The following SLC25A30 variants were observed in gnomAD, a reference collection of about 807,000 sequenced individuals.
The protein encoded by SLC25A30 is kidney mitochondrial carrier protein 1.
A neutral mutation model predicts 42.7 loss-of-function variants in SLC25A30; 29 were observed. The observed-to-expected ratio is 0.68, with a 90% CI of 0.51 to 0.93. The LOEUF (loss-of-function observed/expected upper bound fraction) is 0.93, where lower values mean the gene tolerates loss of function less well. Ranked by LOEUF, SLC25A30 falls within the 40% of genes least tolerant of loss-of-function variation. The pLI, the probability that SLC25A30 is intolerant of heterozygous loss-of-function variation, is 0.00. For missense variants in SLC25A30, 300 were observed against 359.7 expected (o/e 0.83, Z 1.34); for synonymous variants, 124 against 131.0 (o/e 0.95, Z 0.37).
In SLC25A30 at chr13:45,394,660, G is replaced by A. The variant is rs1332147263; in HGVS notation, c.*1314C>T. The A allele has an allele frequency of 2.0e-6, 2 of 985,036 alleles. No individual in the cohort carries two copies. Among genetic ancestry groups the A allele is most frequent in the Non-Finnish European group, 2.4e-6 (2 of 829,816 alleles). 61.0% of individuals were successfully genotyped at this position (985,036 alleles called of 1,614,324 possible). A position where few individuals can be genotyped will look rare whatever the true frequency, so the allele number is the denominator to read the frequency against. The stretch of plus-strand genomic sequence containing the variant: ...CAAGAAGGAAGAGGGCTCTTTCTCT[G>A]AAGCAGGTTAGAGTAAAGAATAAGA... On this transcript the variant is annotated 3_prime_UTR_variant, in exon 10 of 10. Transcript: ENST00000519676.
At chr13:45,398,808 T>A (rs1400253442) in intron 8 of SLC25A30, 132 bp downstream of exon 8, 3 of 885,232 alleles carry the variant, frequency 3.4e-6, no homozygotes, top group Non-Finnish European at 4.9e-6. Context: ...GCAAAAATGG[T>A]CTCACACATG....
At chr13:45,425,447 T>C in the SLC25A30 span, among the ~76,000 whole-genome samples, 1 of 108,988 alleles carries the variant, frequency 9.2e-6, no homozygotes, top group Non-Finnish European at 1.7e-5. Context: ...TATATATAAA[T>C]ATATAAGTGT....
At chr13:45,425,693 C>T in the SLC25A30 span, among the ~76,000 whole-genome samples, 75 of 106,100 alleles carry the variant, frequency 7.1e-4, no homozygotes, top group African/African-American at 1.6e-3. Context: ...AATATATATA[C>T]ACACATATAT....
the SLC25A30 span, among the ~76,000 whole-genome samples, chr13:45,429,439 C>A: frequency 6.6e-6 from 1 of 151,964 alleles, no homozygotes; most frequent in Admixed American, 6.6e-5. Context: ...GGATATTCTT[C>A]CCCAGAACTA....
At chr13:45,398,746 A>G in intron 8 of SLC25A30, 194 bp downstream of exon 8, 2 of 470,954 alleles carry the variant, frequency 4.2e-6, no homozygotes, top group Non-Finnish European at 7.4e-6. Context: ...TTCACAGCAG[A>G]TGGAGGTATA....
Position 45,395,438 on chromosome 13 carries a change from T to C in SLC25A30, c.*536A>G. ...AATAGGAAATGATAAAGCAGTGTGATATTCCTAGGATCCATTTCCTGCACC... is the reference window on the plus strand; with the variant it reads ...AATAGGAAATGATAAAGCAGTGTGACATTCCTAGGATCCATTTCCTGCACC... On this transcript the variant is annotated 3_prime_UTR_variant, in exon 10 of 10. Coordinates refer to ENST00000519676, the MANE Select transcript of SLC25A30 (RefSeq NM_001010875.4). 1.0e-6 allele frequency: 1 copy of C among 987,822 alleles called. No individual in the cohort carries two copies. Among genetic ancestry groups the C allele is most frequent in the Non-Finnish European group, 1.2e-6 (1 of 831,252 alleles). The allele number at this position is 987,822 out of a possible 1,614,324, so 61.2% of individuals were successfully genotyped here.
chr13:45,395,410 C>CA lies in SLC25A30; in HGVS notation c.*563dup. ...ACTTATTATAAGTGGAAGATCCTGC[C>CA]AAAATAGGAAATGATAAAGCAGTGT... On this transcript the variant is annotated 3_prime_UTR_variant, in exon 10 of 10. Transcript: ENST00000519676. 1.0e-6 allele frequency: 1 copy of CA among 986,480 alleles called. No homozygotes were observed. Among genetic ancestry groups the CA allele is most frequent in the Admixed American group, 6.1e-5 (1 of 16,528 alleles). 61.1% of individuals were successfully genotyped at this position (986,480 alleles called of 1,614,324 possible).
the SLC25A30 span, among the ~76,000 whole-genome samples, chr13:45,426,924 G>C: frequency 1.3e-5 from 2 of 151,980 alleles, no homozygotes; most frequent in Non-Finnish European, 2.9e-5. Context: ...TACACTTAAT[G>C]GTTAGTACTA....
intron 1 of SLC25A30, among the ~76,000 whole-genome samples, chr13:45,417,150 A>G (rs1268174373): frequency 6.6e-6 from 1 of 152,160 alleles, no homozygotes; most frequent in Non-Finnish European, 1.5e-5. Flanking sequence ...AGTAGCTAGA[A>G]TTAGACATCC....
chr13:45,424,873 T>TATAA, the SLC25A30 span, among the ~76,000 whole-genome samples: 1 of 41,702 alleles, frequency 2.4e-5, no homozygotes, highest in Non-Finnish European at 3.8e-5. Flanking sequence ...AAAATATATA[T>TATAA]AAATATATAA....
At chr13:45,433,172 A>T in the SLC25A30 span, among the ~76,000 whole-genome samples, 1 of 152,166 alleles carries the variant, frequency 6.6e-6, no homozygotes, top group African/African-American at 2.4e-5. Context: ...GCAAACTATC[A>T]GACTTAAGTT....
intron 7 of SLC25A30, 45 bp from the exon 8 acceptor site, chr13:45,399,123 T>C: frequency 6.5e-7 from 1 of 1,547,722 alleles, no homozygotes; most frequent in Non-Finnish European, 8.7e-7. Flanking sequence ...TAACCATCAC[T>C]GAGCTACAAC....
the SLC25A30 span, among the ~76,000 whole-genome samples, chr13:45,423,631 A>T: frequency 4.7e-5 from 5 of 106,054 alleles, no homozygotes; most frequent in Middle Eastern, 4.2e-3. Context: ...TATATATATA[A>T]ATATATATAA....
intron 3 of SLC25A30, among the ~76,000 whole-genome samples, chr13:45,406,989 C>T (rs760586705): frequency 1.8e-4 from 27 of 152,190 alleles, no homozygotes; most frequent in Admixed American, 5.9e-4. Context: ...TGGCCAGGCA[C>T]GGTGGCTCAT....
chr13:45,395,162 G>GTTA lies in SLC25A30; in HGVS notation c.*809_*811dup. Reference sequence around the variant, plus strand: ...CATTTGACCCTCTACATCAATAGACGTTATTATCCCCATTTTACTCATTGA... The same window carrying GTTA: ...CATTTGACCCTCTACATCAATAGACGTTATTATTATCCCCATTTTACTCATTGA... On this transcript the variant is annotated 3_prime_UTR_variant, in exon 10 of 10. Transcript: ENST00000519676. The GTTA allele has an allele frequency of 1.0e-6, 1 of 984,682 alleles. No individual in the cohort carries two copies. 61.0% of individuals were successfully genotyped at this position (984,682 alleles called of 1,614,324 possible).
chr13:45,407,841 A>G (rs555884984), intron 3 of SLC25A30, among the ~76,000 whole-genome samples: 1 of 152,260 alleles, frequency 6.6e-6, no homozygotes, highest in Admixed American at 6.5e-5. Flanking sequence ...TACCCGCTTC[A>G]TGTATGGAAA....
In SLC25A30 at chr13:45,393,558, A is replaced by T; in HGVS notation, c.*2416T>A. 1 of 985,444 alleles carries T rather than the reference A, an allele frequency of 1.0e-6. No homozygotes were observed. Among genetic ancestry groups the T allele is most frequent in the Non-Finnish European group, 1.2e-6 (1 of 829,922 alleles). The allele number at this position is 985,444 out of a possible 1,614,324, so 61.0% of individuals were successfully genotyped here. ...CACAAATCCATAAGCACACAAACAA[A>T]AAAACCCATTGGTTATAAAAACTAG... is the stretch of plus-strand genomic sequence containing the variant. On this transcript the variant is annotated 3_prime_UTR_variant, in exon 10 of 10. Coordinates refer to ENST00000519676, the MANE Select transcript of SLC25A30 (RefSeq NM_001010875.4).
At chr13:45,424,679 A>C in the SLC25A30 span, among the ~76,000 whole-genome samples, 2 of 70,466 alleles carry the variant, frequency 2.8e-5, no homozygotes, top group African/African-American at 1.0e-4. Flanking sequence ...ATATATAGTT[A>C]TATATAGATA....
chr13:45,414,717 T>A (rs778444031), intron 1 of SLC25A30, among the ~76,000 whole-genome samples: 9 of 151,594 alleles, frequency 5.9e-5, no homozygotes, highest in South Asian at 2.1e-4. Context: ...AGATGTCCAC[T>A]AAGCTGTACT....
Sources: gnomAD v4.1 joint callset for allele counts (sites outside exome capture counted in the v4.1 genomes callset) on GRCh38, gnomAD v4.1.1 for gene constraint, MANE v1.5 for transcripts, NCBI Gene and HGNC (gene_info 2026-07-23, HGNC 2026-07-21) for gene names.